FHIT: variants seen among roughly 807,000 people sequenced by gnomAD.
The protein encoded by FHIT is fragile histidine triad diadenosine triphosphatase.
In FHIT, 19 loss-of-function variants were observed where a neutral mutation model predicts 17.9. That is an observed-to-expected ratio of 1.06 (90% confidence interval 0.74 to 1.56). The LOEUF is 1.56. Among genes scored for constraint, FHIT ranks in the 40% most tolerant of loss-of-function variants. The pLI, the probability that FHIT is intolerant of heterozygous loss-of-function variation, is 0.00. For missense variants in FHIT, 248 were observed against 189.2 expected (o/e 1.31, Z -1.82); for synonymous variants, 81 against 69.7 (o/e 1.16, Z -0.81).
intron 5 of FHIT, among the ~76,000 whole-genome samples, chr3:60,174,639 G>A (rs1701583903): frequency 6.7e-6 from 1 of 150,352 alleles, no homozygotes; most frequent in Non-Finnish European, 1.5e-5. Flanking sequence ...CAAGGTCCAT[G>A]CTTTTTTTTT....
intron 1 of FHIT, among the ~76,000 whole-genome samples, chr3:61,244,760 T>C (rs1251501676): frequency 6.6e-6 from 1 of 152,182 alleles, no homozygotes; most frequent in Non-Finnish European, 1.5e-5. Context: ...TTTCCTCCCA[T>C]TGTTAGCTCA....
intron 2 of FHIT, among the ~76,000 whole-genome samples, chr3:61,184,588 T>C (rs1422405387): frequency 1.3e-5 from 2 of 152,094 alleles, no homozygotes; most frequent in Non-Finnish European, 2.9e-5. Context: ...TGCAGGGGAA[T>C]CATCTTGAAC....
chr3:60,742,780 T>C (rs1226513426), intron 4 of FHIT, among the ~76,000 whole-genome samples: 1 of 152,240 alleles, frequency 6.6e-6, no homozygotes, highest in Non-Finnish European at 1.5e-5. Context: ...GATGCCTAAA[T>C]ATGGACTGTT....
chr3:60,447,575 T>C (rs1401243695), intron 5 of FHIT, among the ~76,000 whole-genome samples: 4 of 152,132 alleles, frequency 2.6e-5, no homozygotes, highest in African/African-American at 9.7e-5. Context: ...TAAATCAGTG[T>C]TATCATTTGG....
chr3:60,605,113 G>C (rs1029148857), intron 4 of FHIT, among the ~76,000 whole-genome samples: 71 of 148,794 alleles, frequency 4.8e-4, no homozygotes, highest in Middle Eastern at 3.5e-3. Flanking sequence ...CACACACACA[G>C]AGAGAGAGAG....
chr3:60,750,753 A>G (rs1409787024), intron 4 of FHIT, among the ~76,000 whole-genome samples: 2 of 152,184 alleles, frequency 1.3e-5, no homozygotes, highest in African/African-American at 4.8e-5. Context: ...GCTCCTGCAA[A>G]TAAAGTCCCC....
At chr3:60,023,379 G>C (rs1337182120) in intron 5 of FHIT, among the ~76,000 whole-genome samples, 1 of 152,188 alleles carries the variant, frequency 6.6e-6, no homozygotes, top group Non-Finnish European at 1.5e-5. Context: ...TGAATGAGGG[G>C]AGTGCCCTGA....
At chr3:60,500,664 T>G (rs2107522738) in intron 5 of FHIT, among the ~76,000 whole-genome samples, 1 of 149,030 alleles carries the variant, frequency 6.7e-6, no homozygotes, top group Admixed American at 6.9e-5. Context: ...TCCTAGCTAC[T>G]AGGGAGGCTG....
chr3:60,234,019 G>A lies in FHIT; in HGVS notation c.104-219867C>T, dbSNP rs551363658. On this transcript the variant is annotated intron_variant, in intron 5 of 9. Transcript: ENST00000492590. Reference sequence around the variant, plus strand: ...AGCATGAGAACAGATTAACAGACAAGTCACTTATTATCAATATACTCCCCA... The same window carrying A: ...AGCATGAGAACAGATTAACAGACAAATCACTTATTATCAATATACTCCCCA... Among the ~76,000 whole-genome samples, 20 of 152,262 alleles carry A rather than the reference G, an allele frequency of 1.3e-4. No homozygotes were observed. The East Asian group carries it at 1.9e-3, about 15-fold the overall frequency.
intron 3 of FHIT, among the ~76,000 whole-genome samples, chr3:61,020,454 T>A (rs952043749): frequency 1.3e-5 from 2 of 152,182 alleles, no homozygotes; most frequent in Non-Finnish European, 2.9e-5. Flanking sequence ...GTCTGATGGA[T>A]AGATTGCAAA....
chr3:60,279,175 G>A (rs535078948), intron 5 of FHIT, among the ~76,000 whole-genome samples: 1 of 152,006 alleles, frequency 6.6e-6, no homozygotes, highest in African/African-American at 2.4e-5. Context: ...CAACAATACA[G>A]ATTACTAACA....
rs746649804 is a variant in FHIT, at chr3:61,036,901, G to GTTTTTTTTTTTTTTTTTTT, written c.-111+5145_-111+5146insAAAAAAAAAAAAAAAAAAA. Among the ~76,000 whole-genome samples the GTTTTTTTTTTTTTTTTTTT allele has an allele frequency of 6.5e-4, 46 of 70,294 alleles. 2 individuals are homozygous for GTTTTTTTTTTTTTTTTTTT. The highest frequency in any genetic ancestry group is 1.1e-3 in the African/African-American group (36 of 31,318). 46.1% of individuals were successfully genotyped at this position (70,294 alleles called of 152,430 possible). ...TTCACCTCAAAGATCAGTCTGCTTT[G>GTTTTTTTTTTTTTTTTTTT]TTTTTTTTTTTTGTTTGTTTGTTTT... On this transcript the variant is annotated intron_variant, in intron 3 of 9. Transcript: ENST00000492590.
chr3:60,888,221 A>G (rs1237650403), intron 3 of FHIT, among the ~76,000 whole-genome samples: 24 of 152,194 alleles, frequency 1.6e-4, no homozygotes, highest in Non-Finnish European at 7.3e-5. Flanking sequence ...ATTAACAGTT[A>G]AAATATGCTA....
At chr3:60,493,543 T>A (rs554520030) in intron 5 of FHIT, among the ~76,000 whole-genome samples, 1 of 152,204 alleles carries the variant, frequency 6.6e-6, no homozygotes. Flanking sequence ...TAAAGAAGTG[T>A]GCTTACATTT....
At chr3:59,877,967 A>G (rs1442488113) in intron 8 of FHIT, among the ~76,000 whole-genome samples, 1 of 152,210 alleles carries the variant, frequency 6.6e-6, no homozygotes, top group Non-Finnish European at 1.5e-5. Flanking sequence ...TCAAAAACAT[A>G]GTTTTCACCT....
chr3:60,379,647 T>A (rs1200484322), intron 5 of FHIT, among the ~76,000 whole-genome samples: 1 of 152,138 alleles, frequency 6.6e-6, no homozygotes, highest in Non-Finnish European at 1.5e-5. Flanking sequence ...TGTTAAGCCA[T>A]TAGGGCACAG....
At chr3:60,337,437 C>A (rs989753031) in intron 5 of FHIT, among the ~76,000 whole-genome samples, 2 of 152,168 alleles carry the variant, frequency 1.3e-5, no homozygotes, top group Non-Finnish European at 2.9e-5. Context: ...CTGAATAATT[C>A]TTGGTACACA....
At chr3:60,988,946 T>TA (rs535898632) in intron 3 of FHIT, among the ~76,000 whole-genome samples, 846 of 34,298 alleles carry the variant, frequency 0.025, 160 homozygotes, top group East Asian at 0.045. Context: ...ATGGCTTTGT[T>TA]AAAAAAAAAA....
At chr3:60,436,797 G>T (rs139982881) in intron 5 of FHIT, among the ~76,000 whole-genome samples, 11 of 152,086 alleles carry the variant, frequency 7.2e-5, no homozygotes, top group Non-Finnish European at 1.5e-4. Context: ...ATTAACTCAG[G>T]TCAAATTTTA....
Sources: allele counts gnomAD v4.1 joint callset (sites outside exome capture counted in the v4.1 genomes callset), GRCh38; gene constraint gnomAD v4.1.1; transcripts MANE v1.5; gene names NCBI Gene and HGNC (gene_info 2026-07-23, HGNC 2026-07-21).